The following SYNE1 variants were observed in gnomAD, a reference collection of about 807,000 sequenced individuals.
SYNE1 encodes spectrin repeat containing nuclear envelope protein 1.
In SYNE1, 616 loss-of-function variants were observed where a neutral mutation model predicts 1,111.0. The ratio of observed to expected loss-of-function variants is 0.55; its 90% CI spans 0.52 to 0.59. The LOEUF (loss-of-function observed/expected upper bound fraction) is 0.59. Among genes scored for constraint, SYNE1 ranks in the 20% least tolerant of loss-of-function variants. The pLI, the probability that SYNE1 is intolerant of heterozygous loss-of-function variation, is 0.00. For synonymous variants in SYNE1, 3,855 were observed against 3,825.8 expected (o/e 1.01, Z -0.28); for missense variants, 10,006 against 10,417.0 (o/e 0.96, Z 1.72).
intron 3 of SYNE1, among the ~76,000 whole-genome samples, chr6:152,579,801 G>A (rs1006795948): frequency 2.0e-5 from 3 of 152,016 alleles, no homozygotes; most frequent in Admixed American, 6.6e-5. Flanking sequence ...GTGTTAATTC[G>A]CTTAGGGTAA....
At chr6:152,360,952 A>T (rs927263170) in intron 64 of SYNE1, among the ~76,000 whole-genome samples, 1 of 152,178 alleles carries the variant, frequency 6.6e-6, no homozygotes, top group Non-Finnish European at 1.5e-5. Flanking sequence ...CTATTCACTG[A>T]AGGAGAGGGA....
chr6:152,317,406 A>G (rs2095758151), intron 86 of SYNE1, among the ~76,000 whole-genome samples: 1 of 151,604 alleles, frequency 6.6e-6, no homozygotes, highest in Non-Finnish European at 1.5e-5. Flanking sequence ...AATCTTTTGT[A>G]GGTTTCACCA....
At chr6:152,417,202 T>C (rs774624807) in intron 40 of SYNE1, among the ~76,000 whole-genome samples, 187 bp from the exon 41 acceptor site, 6 of 152,016 alleles carry the variant, frequency 3.9e-5, no homozygotes, top group Admixed American at 1.3e-4. Context: ...ATTTGTTAAA[T>C]AAAACACAAC....
At chr6:152,174,843 T>C (rs1462709663) in intron 130 of SYNE1, among the ~76,000 whole-genome samples, 3 of 152,230 alleles carry the variant, frequency 2.0e-5, no homozygotes, top group South Asian at 2.1e-4. Flanking sequence ...AGCATGGTCA[T>C]TGGAATCAGC....
rs922999800 is a variant in SYNE1 at position 152,330,036 on chromosome 6, C to T, written c.14649G>A (p.Met4883Ile). Residue 4883 changes from methionine (M) to isoleucine (I), a missense_variant, in exon 78 of 146, where the codon ATG becomes ATA. By Grantham distance (10) the Met-to-Ile change is conservative. Transcript: ENST00000367255. ...CAGTCTGGAAGTCTATACTCTGCAC[C>T]ATTCGGCTCTCACATTCTGTCACCG... is the stretch of plus-strand genomic sequence containing the variant. ...GETVTECESR[M>I]VQSIDFQTEM... The T allele has an allele frequency of 2.5e-6, 4 of 1,614,190 alleles. No homozygotes were observed. Among genetic ancestry groups the T allele is most frequent in the Non-Finnish European group, 2.5e-6 (3 of 1,180,036 alleles).
intron 117 of SYNE1, 31 bp downstream of exon 117, chr6:152,224,463 A>G: frequency 6.2e-7 from 1 of 1,603,296 alleles, no homozygotes; most frequent in South Asian, 1.1e-5. Flanking sequence ...ATTAAAATGA[A>G]CGTTAAGGAT....
rs953970973 is a variant in SYNE1, at chr6:152,135,173, T to C, written c.25719A>G (p.Lys8573=). 2 of 1,614,064 alleles carry C rather than the reference T, an allele frequency of 1.2e-6. No individual in the cohort carries two copies. The highest frequency in any genetic ancestry group is 2.7e-5 in the African/African-American group (2 of 74,934). ...TAGAATCAATAGGGACAATTTCATT[T>C]TTCCTTCTGTCAATGTTCTCCAGCA... ...LLMLENIDRR[K]NEIVPIDSNL... The change falls in exon 142 of 146, where the codon AAA becomes AAG. Residue 8573 remains lysine, a synonymous_variant. Coordinates refer to ENST00000367255, the MANE Select transcript of SYNE1 (RefSeq NM_182961.4).
At chr6:152,380,922 G>C (rs1224867650) in intron 56 of SYNE1, 84 bp downstream of exon 56, 4 of 1,382,768 alleles carry the variant, frequency 2.9e-6, no homozygotes, top group Non-Finnish European at 4.1e-6. Context: ...TTTTTAGTTA[G>C]CAAGATTTTT....
intron 105 of SYNE1, among the ~76,000 whole-genome samples, chr6:152,245,199 C>T (rs911314704): frequency 3.3e-5 from 5 of 152,156 alleles, no homozygotes; most frequent in Non-Finnish European, 7.3e-5. Context: ...CCTTGTCTTC[C>T]CAGTGTGAGG....
rs1563301780 is a variant in SYNE1 at position 152,354,658 on chromosome 6, C to T, written c.10926+1G>A. ...AGATCAGGAATCTACATGAGTTGTA[C>T]CTTCATCTGATGTAATTGTATCTCC... On this transcript the variant is annotated splice_donor_variant, in intron 67 of 145. Transcript: ENST00000367255. LOFTEE classifies it high-confidence loss of function. The T allele has an allele frequency of 1.2e-6, 2 of 1,614,074 alleles. No individual in the cohort carries two copies. Among genetic ancestry groups the T allele is most frequent in the Non-Finnish European group, 8.5e-7 (1 of 1,179,946 alleles).
intron 47 of SYNE1, 124 bp from the exon 48 acceptor site, chr6:152,399,947 A>G: frequency 1.8e-6 from 2 of 1,139,290 alleles, no homozygotes; most frequent in Non-Finnish European, 2.5e-6. Flanking sequence ...TGGTGTATAC[A>G]TTTTGGTGCG....
At chr6:152,586,062 T>C (rs1349394888) in intron 3 of SYNE1, among the ~76,000 whole-genome samples, 7 of 152,128 alleles carry the variant, frequency 4.6e-5, no homozygotes, top group African/African-American at 1.7e-4. Flanking sequence ...TGGGCCTATT[T>C]TGAACTACAT....
At position 152,294,078 on chromosome 6, in the gene SYNE1, G is replaced by A. The variant is rs781250840; in HGVS notation, c.17732C>T (p.Ala5911Val). ...ALSAERLQTDAAKIHPSTSAS... is the reference protein window; with the variant it reads ...ALSAERLQTDVAKIHPSTSAS... ...GGATGTGCTGGGGTGAATTTTTGCA[G>A]CATCTGTCTGCAACCTCTCAGCAGA... Residue 5911 changes from alanine (A) to valine (V), a missense_variant, in exon 94 of 146, where the codon GCT becomes GTT. This residue lies in a region of SYNE1 where 4,955 missense variants were observed against 5,017.2 expected (regional missense o/e 0.99). Coordinates refer to ENST00000367255, the MANE Select transcript of SYNE1 (RefSeq NM_182961.4). 4 of 1,613,884 alleles carry A rather than the reference G, an allele frequency of 2.5e-6. No individual in the cohort carries two copies. The highest frequency in any genetic ancestry group is 3.4e-6 in the Non-Finnish European group (4 of 1,180,020).
Position 152,350,628 on chromosome 6 carries a change from C to T in SYNE1, c.11723G>A (p.Ser3908Asn), listed in dbSNP as rs1344221558. The change falls in exon 71 of 146, where the codon AGC becomes AAC. Residue 3908 changes from serine to asparagine, a missense_variant. By Grantham distance (46) the Ser-to-Asn change is conservative. This residue lies in a region of SYNE1 where 4,955 missense variants were observed against 5,017.2 expected (regional missense o/e 0.99). Coordinates refer to ENST00000367255, the MANE Select transcript of SYNE1 (RefSeq NM_182961.4). ...QLQSDYQDLC[S>N]IGKEHVFSLE... Reference sequence around the variant, plus strand: ...TTCATCTCTCCTTACCTTTCCTATGCTGCACAGGTCCTGGTAATCACTTTG... The same window carrying T: ...TTCATCTCTCCTTACCTTTCCTATGTTGCACAGGTCCTGGTAATCACTTTG... The T allele has an allele frequency of 6.2e-7, 1 of 1,614,036 alleles. No individual in the cohort carries two copies. The highest frequency in any genetic ancestry group is 1.3e-5 in the African/African-American group (1 of 74,920).
Position 152,255,593 on chromosome 6 carries a change from C to T in SYNE1, c.19258G>A (p.Glu6420Lys), listed in dbSNP as rs1166582313. The change falls in exon 103 of 146, where the codon GAG (glutamate) becomes AAG (lysine). Residue 6420 changes from glutamate to lysine, a missense_variant and splice_region_variant. By Grantham distance (56) the Glu-to-Lys change is moderately conservative (BLOSUM62 1). This residue lies in a region of SYNE1 where 2,182 missense variants were observed against 2,287.8 expected (regional missense o/e 0.95). Coordinates refer to ENST00000367255, the MANE Select transcript of SYNE1 (RefSeq NM_182961.4). Reference sequence around the variant, plus strand: ...CAGGCAGGAACTACTAAACCTACCTCTTGGTTGAAGAGACAAGTCTCTGTT... The same window carrying T: ...CAGGCAGGAACTACTAAACCTACCTTTTGGTTGAAGAGACAAGTCTCTGTT... ...EETETCLFNQ[E>K]ILAKDIKEMS... 1 of 1,614,190 alleles carries T rather than the reference C, an allele frequency of 6.2e-7. No individual in the cohort carries two copies. The highest frequency in any genetic ancestry group is 1.1e-5 in the South Asian group (1 of 91,080).
At chr6:152,438,890 G>T (rs147007689) in intron 32 of SYNE1, among the ~76,000 whole-genome samples, 18 of 152,206 alleles carry the variant, frequency 1.2e-4, no homozygotes, top group Admixed American at 9.2e-4. Context: ...TCTGTTTTTT[G>T]AATGAAAAAA....
At chr6:152,132,013 C>T in intron 144 of SYNE1, 109 bp downstream of exon 144, 1 of 955,080 alleles carries the variant, frequency 1.0e-6, no homozygotes, top group Non-Finnish European at 1.7e-6. Flanking sequence ...GTGTGACAGC[C>T]CTCCTCTGGA....
intron 65 of SYNE1, 140 bp from the exon 66 acceptor site, chr6:152,358,677 T>A: frequency 3.7e-6 from 3 of 803,426 alleles, no homozygotes; most frequent in Non-Finnish European, 5.9e-6. Flanking sequence ...GAATCATGAA[T>A]CTTCAATATT....
At chr6:152,605,028 GAGAGAGA>G (rs2099609905) in intron 3 of SYNE1, among the ~76,000 whole-genome samples, 1 of 67,880 alleles carries the variant, frequency 1.5e-5, no homozygotes, top group African/African-American at 7.0e-5. Context: ...GAGAGAGAGA[GAGAGAGA>G]GGGAGGGAGG....
Sources: allele counts gnomAD v4.1 joint callset (sites outside exome capture counted in the v4.1 genomes callset), GRCh38; gene constraint gnomAD v4.1.1; regional missense constraint gnomAD v4.1.1; transcripts MANE v1.5; gene names NCBI Gene and HGNC (gene_info 2026-07-23, HGNC 2026-07-21).